GUCY2F: variants seen among roughly 807,000 people sequenced by gnomAD.
GUCY2F encodes the protein guanylate cyclase 2F, retinal.
In GUCY2F, 61 loss-of-function variants were observed where a neutral mutation model predicts 73.1. The observed-to-expected ratio is 0.83, with a 90% CI of 0.68 to 1.03. The LOEUF is 1.03. Ranked by LOEUF, GUCY2F falls within the 50% of genes least tolerant of loss-of-function variation. The probability of loss-of-function intolerance (pLI) is 0.00; values close to 1 mark genes in which losing one functional copy is unlikely to be tolerated. For synonymous variants in GUCY2F, 331 were observed against 307.8 expected, an observed-to-expected ratio of 1.08 and a Z score of -0.79; for missense variants, 912 against 854.3, an observed-to-expected ratio of 1.07 and a Z score of -0.84.
chrX:109,452,164 A>T (rs1932149766), intron 4 of GUCY2F, 57 bp from the exon 5 acceptor site: 2 of 653,363 alleles, frequency 3.1e-6, no homozygotes, highest in Admixed American at 2.3e-5. Flanking sequence ...GCAGTAAATA[A>T]AGGGCACCAC....
At chrX:109,456,065 T>C (rs1308588146) in intron 3 of GUCY2F, among the ~76,000 whole-genome samples, 1 of 112,223 alleles carries the variant, frequency 8.9e-6, no homozygotes, top group Admixed American at 9.4e-5. Context: ...ATTCCAATGA[T>C]CTTCCTTCAT....
At chrX:109,455,262 T>C (rs1932234778) in intron 3 of GUCY2F, among the ~76,000 whole-genome samples, 1 of 112,353 alleles carries the variant, frequency 8.9e-6, no homozygotes, top group African/African-American at 3.2e-5. Context: ...CCCTGTCCTG[T>C]GATCAGTGCC....
intron 7 of GUCY2F, among the ~76,000 whole-genome samples, chrX:109,431,588 A>G (rs922775152): frequency 4.6e-5 from 5 of 109,120 alleles, no homozygotes; most frequent in African/African-American, 1.7e-4. Context: ...AGTCTCAGCT[A>G]CTCAGGAGGC....
At chrX:109,457,380 G>A (rs1932281354) in intron 3 of GUCY2F, among the ~76,000 whole-genome samples, 1 of 111,741 alleles carries the variant, frequency 8.9e-6, no homozygotes, top group African/African-American at 3.3e-5. Context: ...AACATGCCTA[G>A]CTTGAAAAGC....
intron 8 of GUCY2F, among the ~76,000 whole-genome samples, chrX:109,414,012 C>T (rs939344882): frequency 9.1e-5 from 10 of 110,092 alleles, no homozygotes; most frequent in Middle Eastern, 4.2e-3. Flanking sequence ...AGTGCAGTGG[C>T]GCAATCTCAG....
At chrX:109,383,037 TA>T (rs200063358) in intron 16 of GUCY2F, among the ~76,000 whole-genome samples, 1 of 109,664 alleles carries the variant, frequency 9.1e-6, no homozygotes, top group Admixed American at 9.7e-5. Flanking sequence ...TCATTTTTTT[TA>T]AAAAAAAAGC....
chrX:109,392,792 G>A, intron 13 of GUCY2F, 100 bp downstream of exon 13: 1 of 504,973 alleles, frequency 2.0e-6, no homozygotes, highest in East Asian at 3.4e-5. Context: ...GACAAGGGGA[G>A]GCAGCAGTTA....
At chrX:109,472,268 G>GGA (rs1932590170) in intron 2 of GUCY2F, among the ~76,000 whole-genome samples, 2 of 89,988 alleles carry the variant, frequency 2.2e-5, no homozygotes, top group African/African-American at 8.0e-5. Flanking sequence ...AACAGATCAG[G>GGA]AAAAAAAAAA....
intron 10 of GUCY2F, among the ~76,000 whole-genome samples, chrX:109,402,457 C>T (rs1011600786): frequency 1.2e-4 from 13 of 108,473 alleles, no homozygotes; most frequent in African/African-American, 4.4e-4. Flanking sequence ...ACTGCAACCT[C>T]CGCCTCCCAG....
chrX:109,449,244 A>C (rs1165253607), intron 5 of GUCY2F, among the ~76,000 whole-genome samples: 1 of 112,208 alleles, frequency 8.9e-6, no homozygotes, highest in African/African-American at 3.2e-5. Context: ...AGTATCAGCA[A>C]CTCAGTTTTT....
intron 6 of GUCY2F, among the ~76,000 whole-genome samples, chrX:109,443,351 C>T (rs967735410): frequency 9.0e-6 from 1 of 111,144 alleles, no homozygotes; most frequent in African/African-American, 3.3e-5. Context: ...TATAAGGCTA[C>T]CCATCCCTTA....
At chrX:109,438,250 C>T (rs1003012394) in intron 7 of GUCY2F, among the ~76,000 whole-genome samples, 2 of 112,190 alleles carry the variant, frequency 1.8e-5, no homozygotes, top group African/African-American at 3.2e-5. Flanking sequence ...TGCATCCTCT[C>T]CCAAGAGGAG....
At chrX:109,396,146 C>T (rs1353920228) in intron 11 of GUCY2F, among the ~76,000 whole-genome samples, 1 of 111,297 alleles carries the variant, frequency 9.0e-6, no homozygotes, top group Non-Finnish European at 1.9e-5. Context: ...AAGTAACTTA[C>T]CCGAGGTCAC....
At position 109,475,271 on chromosome X, in the gene GUCY2F, T is replaced by G. The variant is rs1932662614; in HGVS notation, c.666A>C (p.Thr222=). Residue 222 remains threonine, a synonymous_variant, in exon 2 of 20, where the codon ACA becomes ACC. Coordinates refer to ENST00000218006, the MANE Select transcript of GUCY2F (RefSeq NM_001522.3). Reference sequence around the variant, plus strand: ...TCCGCATGCTTTGGCTGTCTTGTCCTGTGGTCAGGACGACCCCTACAGGTA... The same window carrying G: ...TCCGCATGCTTTGGCTGTCTTGTCCGGTGGTCAGGACGACCCCTACAGGTA... The part of the protein sequence containing the change: ...HGLPVGVVLT[T]GQDSQSMRKA... The G allele has an allele frequency of 6.6e-6, 8 of 1,210,703 alleles. No individual in the cohort carries two copies. In the East Asian group the frequency reaches 2.4e-4, roughly 36 times the overall value.
At chrX:109,407,895 C>A (rs1403575181) in intron 9 of GUCY2F, among the ~76,000 whole-genome samples, 2 of 113,070 alleles carry the variant, frequency 1.8e-5, no homozygotes, top group African/African-American at 6.4e-5. Context: ...GCTGCAGGAG[C>A]AGGACCCTCA....
chrX:109,376,239 T>C (rs1930178983), intron 17 of GUCY2F, 72 bp from the exon 18 acceptor site: 8 of 787,430 alleles, frequency 1.0e-5, no homozygotes, highest in Non-Finnish European at 9.5e-6. Flanking sequence ...AGCATTCAGG[T>C]TGGCTCAGAA....
chrX:109,394,903 A>C (rs1930666955), intron 12 of GUCY2F, among the ~76,000 whole-genome samples: 1 of 112,214 alleles, frequency 8.9e-6, no homozygotes, highest in Admixed American at 9.4e-5. Context: ...CTGACCTTCC[A>C]AAAACAACCT....
chrX:109,403,592 C>T (rs771727766), intron 10 of GUCY2F, among the ~76,000 whole-genome samples: 5 of 111,821 alleles, frequency 4.5e-5, no homozygotes, highest in Non-Finnish European at 9.4e-5. Flanking sequence ...CCAATCGGAG[C>T]TTTCCTGCTC....
intron 16 of GUCY2F, among the ~76,000 whole-genome samples, chrX:109,382,583 A>G (rs776441664): frequency 8.9e-6 from 1 of 112,708 alleles, no homozygotes; most frequent in Admixed American, 9.4e-5. Flanking sequence ...ACAGGCTGCT[A>G]CTATGGCTGA....
Sources: allele counts gnomAD v4.1 joint callset (sites outside exome capture counted in the v4.1 genomes callset), GRCh38; gene constraint gnomAD v4.1.1; transcripts MANE v1.5; gene names NCBI Gene and HGNC (gene_info 2026-07-23, HGNC 2026-07-21).